CRACD: variants seen among roughly 807,000 people sequenced by gnomAD.
The protein encoded by CRACD is capping protein-inhibiting regulator of actin dynamics.
In CRACD, 56 loss-of-function variants were observed where a neutral mutation model predicts 106.8. That is an observed-to-expected ratio of 0.52 (90% CI 0.42 to 0.66). The LOEUF is 0.66. Among genes scored for constraint, CRACD ranks in the 30% least tolerant of loss-of-function variants. The pLI is 0.00. For missense variants in CRACD, 1,730 were observed against 1,623.2 expected (o/e 1.07, Z -1.13); for synonymous variants, 754 against 670.8 (o/e 1.12, Z -1.92).
At chr4:56,305,233 A>G (rs2109740497) in intron 4 of CRACD, among the ~76,000 whole-genome samples, 1 of 152,248 alleles carries the variant, frequency 6.6e-6, no homozygotes, top group South Asian at 2.1e-4. Flanking sequence ...AAAAAAAGGA[A>G]TTATCCTTTC....
chr4:56,241,394 T>C (rs578211533), intron 2 of CRACD, among the ~76,000 whole-genome samples: 1 of 152,236 alleles, frequency 6.6e-6, no homozygotes, highest in African/African-American at 2.4e-5. Context: ...CTATGCTTGC[T>C]CAATTAATAA....
chr4:56,171,166 A>G lies in CRACD; in HGVS notation c.-335-8118A>G, dbSNP rs114261685. ...GTCTTAGAAAGACCATGATCATTAT[A>G]TGACGAGTTAATGGGTGTAGCACAC... On this transcript the variant is annotated intron_variant, in intron 1 of 10. Transcript: ENST00000682029. 5.3e-3 allele frequency among the ~76,000 whole-genome samples: 811 copies of G among 152,338 alleles called. 7 individuals carry two copies. The highest frequency in any genetic ancestry group is 0.019 in the African/African-American group (774 of 41,574).
Position 56,315,785 on chromosome 4 carries a change from T to G in CRACD, c.2283T>G (p.Pro761=), listed in dbSNP as rs1300586824. The G allele has an allele frequency of 1.2e-6, 2 of 1,614,146 alleles. No homozygotes were observed. Among genetic ancestry groups the G allele is most frequent in the Non-Finnish European group, 1.7e-6 (2 of 1,180,020 alleles). The change falls in exon 8 of 11, where the codon CCT becomes CCG. Residue 761 remains proline, a synonymous_variant. Coordinates refer to ENST00000682029, the MANE Select transcript of CRACD (RefSeq NM_001393381.1). This position sits in a 1 kb window ranked among gnomAD's most constrained non-coding sequence, Gnocchi z 4.1. ...CCAGCGAAGAGACAGCCCCCCAGCC[T>G]CCTCCTGCTGGTGTTCGCGAGCTCG... ...LGPSEETAPQ[P]PPAGVRELGK...
chr4:56,078,308 C>T (rs550560242), intron 1 of CRACD, among the ~76,000 whole-genome samples: 9 of 152,164 alleles, frequency 5.9e-5, no homozygotes, highest in African/African-American at 2.2e-4. Context: ...AATGTTTGTA[C>T]TGAATTTAAC....
chr4:56,218,177 A>T (rs182385176), intron 2 of CRACD, among the ~76,000 whole-genome samples: 1 of 152,194 alleles, frequency 6.6e-6, no homozygotes, highest in South Asian at 2.1e-4. Flanking sequence ...ATAATGTTAC[A>T]TTCTGAGATA....
At chr4:56,136,605 T>TTTTTA (rs1457719437) in intron 1 of CRACD, among the ~76,000 whole-genome samples, 17 of 151,120 alleles carry the variant, frequency 1.1e-4, no homozygotes, top group Non-Finnish European at 2.4e-4. Flanking sequence ...GTGCTTTGAT[T>TTTTTA]TTTTATTATT....
At chr4:56,126,288 A>G (rs551490918) in intron 1 of CRACD, among the ~76,000 whole-genome samples, 1 of 152,300 alleles carries the variant, frequency 6.6e-6, no homozygotes, top group South Asian at 2.1e-4. Context: ...AACAGTATTT[A>G]GAAACCAAGA....
intron 1 of CRACD, among the ~76,000 whole-genome samples, chr4:56,129,860 T>C (rs1734770437): frequency 6.6e-6 from 1 of 152,212 alleles, no homozygotes; most frequent in South Asian, 2.1e-4. Context: ...GAAGGGAACT[T>C]CTGTCTGAGC....
chr4:56,169,220 C>G (rs999971142), intron 1 of CRACD, among the ~76,000 whole-genome samples: 4 of 152,058 alleles, frequency 2.6e-5, no homozygotes, highest in African/African-American at 9.7e-5. Context: ...TAGGGATGAG[C>G]TGATTTAGAG....
At chr4:56,289,330 T>C (rs955113411) in intron 3 of CRACD, among the ~76,000 whole-genome samples, 2 of 152,016 alleles carry the variant, frequency 1.3e-5, no homozygotes, top group Non-Finnish European at 2.9e-5. Flanking sequence ...TATGAAAAAA[T>C]TTATGGCTGC....
At chr4:56,093,469 A>G (rs530230995) in intron 1 of CRACD, among the ~76,000 whole-genome samples, 3 of 152,306 alleles carry the variant, frequency 2.0e-5, no homozygotes, top group African/African-American at 4.8e-5. Context: ...CGTTTTACAA[A>G]TAGAGATGTC....
chr4:56,118,543 A>G (rs776658630), intron 1 of CRACD, among the ~76,000 whole-genome samples: 10 of 152,206 alleles, frequency 6.6e-5, no homozygotes, highest in Non-Finnish European at 1.2e-4. Context: ...TTTCATTGCA[A>G]TGGATGATTA....
At chr4:56,180,530 A>AG (rs1184387674) in intron 2 of CRACD, among the ~76,000 whole-genome samples, 5 of 148,966 alleles carry the variant, frequency 3.4e-5, no homozygotes, top group Non-Finnish European at 5.9e-5. Flanking sequence ...ATAAATAAAT[A>AG]AATAGATAGA....
chr4:56,274,777 G>T (rs1742581397), intron 3 of CRACD, among the ~76,000 whole-genome samples: 1 of 152,178 alleles, frequency 6.6e-6, no homozygotes, highest in Non-Finnish European at 1.5e-5. Flanking sequence ...TAAAAAATTA[G>T]TGGGTATATG....
chr4:56,114,657 A>G (rs1004791764), intron 1 of CRACD, among the ~76,000 whole-genome samples: 6 of 152,136 alleles, frequency 3.9e-5, no homozygotes, highest in Admixed American at 6.5e-5. Flanking sequence ...AGAGGTGCAT[A>G]ATCAATATAG....
intron 2 of CRACD, among the ~76,000 whole-genome samples, chr4:56,243,737 A>G (rs1189262816): frequency 6.6e-6 from 1 of 152,114 alleles, no homozygotes. Flanking sequence ...AGAATGGGGT[A>G]CCCATCCCCT....
intron 5 of CRACD, among the ~76,000 whole-genome samples, chr4:56,310,208 CT>C (rs1745045859): frequency 6.6e-6 from 1 of 152,060 alleles, no homozygotes; most frequent in Non-Finnish European, 1.5e-5. Flanking sequence ...CAGCCCAGCT[CT>C]TTGCATGTGG....
intron 2 of CRACD, among the ~76,000 whole-genome samples, chr4:56,219,688 G>T (rs1010927208): frequency 6.6e-6 from 1 of 152,160 alleles, no homozygotes; most frequent in Non-Finnish European, 1.5e-5. Flanking sequence ...CCTGGTCAAG[G>T]TTATGCAACT....
intron 2 of CRACD, among the ~76,000 whole-genome samples, chr4:56,219,434 G>GC (rs1738913478): frequency 6.6e-6 from 1 of 152,116 alleles, no homozygotes; most frequent in Non-Finnish European, 1.5e-5. Context: ...TGCAACCTCT[G>GC]CCTCCTGGAT....
Sources: allele counts gnomAD v4.1 joint callset (sites outside exome capture counted in the v4.1 genomes callset), GRCh38; gene constraint gnomAD v4.1.1; non-coding constraint Gnocchi (gnomAD v3.1); transcripts MANE v1.5; gene names NCBI Gene and HGNC (gene_info 2026-07-23, HGNC 2026-07-21).